Variants in TTBK2 observed in about 807,000 individuals in gnomAD.
TTBK2 encodes the protein tau-tubulin kinase 2.
Under a neutral mutation model 110.8 loss-of-function variants are expected in TTBK2, and 28 were observed. That is an observed-to-expected ratio of 0.25 (90% CI 0.19 to 0.35). The LOEUF is 0.35. Ranked by LOEUF, TTBK2 falls within the 10% of genes least tolerant of loss-of-function variation. TTBK2 has a pLI of 1.00. For synonymous variants in TTBK2, 532 were observed against 527.3 expected (o/e 1.01, Z -0.12); for missense variants, 1,369 against 1,500.3 (o/e 0.91, Z 1.45).
chr15:42,843,325 T>A (rs960068612), intron 3 of TTBK2, among the ~76,000 whole-genome samples: 8 of 152,200 alleles, frequency 5.3e-5, no homozygotes, highest in Non-Finnish European at 1.0e-4. Context: ...TTTATAAAAC[T>A]AATGAAAGGC....
intron 1 of TTBK2, among the ~76,000 whole-genome samples, chr15:42,884,195 G>T (rs1005215319): frequency 6.6e-6 from 1 of 152,144 alleles, no homozygotes; most frequent in South Asian, 2.1e-4. Context: ...TATAACTGAA[G>T]ACTTCACTCT....
At chr15:42,779,176 G>C (rs550036400) in intron 11 of TTBK2, among the ~76,000 whole-genome samples, 72 of 152,234 alleles carry the variant, frequency 4.7e-4, no homozygotes, top group Middle Eastern at 6.8e-3. Context: ...GAGGGAGGTG[G>C]GTGAATCACT....
Position 42,911,056 on chromosome 15 carries a change from A to C in TTBK2, c.-68+9382T>G, listed in dbSNP as rs1162813080. ...TGAAACTCCGTCTCAAAAAAAAAAA[A>C]AAACGGTGAAAAAATAGAAAAAGTT... On this transcript the variant is annotated intron_variant, in intron 1 of 14. Coordinates refer to ENST00000267890, the MANE Select transcript of TTBK2 (RefSeq NM_173500.4). 2.6e-5 allele frequency among the ~76,000 whole-genome samples: 4 copies of C among 152,088 alleles called. No homozygotes were observed. In the South Asian group the frequency reaches 8.3e-4, roughly 32 times the overall value.
At chr15:42,775,775 T>C (rs1338686441) in intron 12 of TTBK2, 52 bp from the exon 13 acceptor site, 17 of 1,403,930 alleles carry the variant, frequency 1.2e-5, no homozygotes, top group Non-Finnish European at 1.6e-5. Flanking sequence ...ACATTTATTA[T>C]ATAATATATA....
At chr15:42,912,147 G>A (rs1280528410) in intron 1 of TTBK2, among the ~76,000 whole-genome samples, 1 of 152,144 alleles carries the variant, frequency 6.6e-6, no homozygotes, top group Non-Finnish European at 1.5e-5. Flanking sequence ...GGCCTGAAAG[G>A]TAAACTGAGT....
At chr15:42,874,298 C>CTTTATTTTTTTATTTTT (rs1268838127) in intron 2 of TTBK2, among the ~76,000 whole-genome samples, 269 of 151,734 alleles carry the variant, frequency 1.8e-3, no homozygotes, top group African/African-American at 6.1e-3. Flanking sequence ...CATAATCCTT[C>CTTTATTTTTTTATTTTT]TTTATTTTTT....
At chr15:42,897,292 T>C (rs1289786319) in intron 1 of TTBK2, among the ~76,000 whole-genome samples, 1 of 152,192 alleles carries the variant, frequency 6.6e-6, no homozygotes, top group Non-Finnish European at 1.5e-5. Flanking sequence ...AGTTTGGGAA[T>C]GGCTAGATTA....
intron 3 of TTBK2, among the ~76,000 whole-genome samples, chr15:42,851,690 G>A (rs1323764182): frequency 5.9e-5 from 9 of 151,846 alleles, no homozygotes; most frequent in Non-Finnish European, 8.8e-5. Context: ...ATATGTGTGC[G>A]TATATATGTG....
rs920719094 is a variant in TTBK2 at position 42,778,229 on chromosome 15, A to G, written c.1198-987T>C. On this transcript the variant is annotated intron_variant, in intron 11 of 14. Coordinates refer to ENST00000267890, the MANE Select transcript of TTBK2 (RefSeq NM_173500.4). ...CAAAGATCAACAAAGGGTTATTTGG[A>G]ATTAAATGATTGATTAACTTAATAT... 4.0e-5 allele frequency among the ~76,000 whole-genome samples: 6 copies of G among 151,762 alleles called. No individual in the cohort carries two copies. The East Asian group carries it at 1.2e-3, about 29-fold the overall frequency.
Position 42,744,136 on chromosome 15 carries a change from G to A in TTBK2, c.*1659C>T, listed in dbSNP as rs974229651. 5 of 152,128 alleles carry A rather than the reference G, an allele frequency of 3.3e-5. No homozygotes were observed. The highest frequency in any genetic ancestry group is 1.2e-4 in the African/African-American group (5 of 41,426). The allele number at this position is 152,128 out of a possible 1,614,324, so 9.4% of individuals were successfully genotyped here. ...CTTATCTATTGCATTCCTCTGGAGT[G>A]TTTGAAACTGGAGAGAAATTAAGAT... On this transcript the variant is annotated 3_prime_UTR_variant, in exon 15 of 15. Transcript: ENST00000267890.
rs138660342 is a variant in TTBK2 at position 42,827,166 on chromosome 15, C to T, written c.537+762G>A. On this transcript the variant is annotated intron_variant, in intron 6 of 14. Coordinates refer to ENST00000267890, the MANE Select transcript of TTBK2 (RefSeq NM_173500.4). ...CCATCACAGTGTAATTGTGGTCATA[C>T]CCAAAGACGCACCACCCTGAAGAGC... 6.3e-4 allele frequency among the ~76,000 whole-genome samples: 96 copies of T among 152,260 alleles called. 1 individual carries two copies. Among genetic ancestry groups the T allele is most frequent in the Middle Eastern group, 3.4e-3 (1 of 294 alleles).
intron 14 of TTBK2, among the ~76,000 whole-genome samples, chr15:42,748,367 G>C (rs2061823211): frequency 1.3e-5 from 2 of 152,004 alleles, no homozygotes; most frequent in Admixed American, 1.3e-4. Flanking sequence ...TGAGACAGGA[G>C]AATCGCTTGA....
At chr15:42,767,743 CCCTCCCTAACTCATTTT>C (rs1459277459) in intron 13 of TTBK2, among the ~76,000 whole-genome samples, 19 of 152,066 alleles carry the variant, frequency 1.2e-4, no homozygotes, top group African/African-American at 4.3e-4. Context: ...AAAGAGGGCA[CCCTCCCTAACTCATTTT>C]ATGAGGCCAG....
At chr15:42,799,336 C>CTG (rs1891080416) in intron 9 of TTBK2, among the ~76,000 whole-genome samples, 1 of 152,236 alleles carries the variant, frequency 6.6e-6, no homozygotes, top group East Asian at 1.9e-4. Context: ...TGCTGCTGCA[C>CTG]TCCAGCCTGG....
At chr15:42,792,233 T>G (rs1226919054) in intron 10 of TTBK2, among the ~76,000 whole-genome samples, 2 of 152,208 alleles carry the variant, frequency 1.3e-5, no homozygotes, top group East Asian at 3.8e-4. Context: ...TTTGAGGTAA[T>G]GGATATCCTA....
At chr15:42,790,822 C>G (rs1218763143) in intron 10 of TTBK2, among the ~76,000 whole-genome samples, 1 of 151,756 alleles carries the variant, frequency 6.6e-6, no homozygotes, top group Non-Finnish European at 1.5e-5. Flanking sequence ...GCCTCAGCCT[C>G]CGGAGTAGCT....
intron 10 of TTBK2, among the ~76,000 whole-genome samples, chr15:42,784,759 G>T (rs1019094345): frequency 2.0e-5 from 3 of 152,160 alleles, no homozygotes; most frequent in African/African-American, 7.2e-5. Context: ...GAGGTTGGGG[G>T]TTTTATTAGA....
Position 42,744,193 on chromosome 15 carries a change from G to A in TTBK2, c.*1602C>T, listed in dbSNP as rs1474013152. 2.0e-4 allele frequency: 31 copies of A among 152,130 alleles called. No individual in the cohort carries two copies. The highest frequency in any genetic ancestry group is 2.0e-3 in the Admixed American group (30 of 15,268). 9.4% of individuals were successfully genotyped at this position (152,130 alleles called of 1,614,324 possible). A position where few individuals can be genotyped will look rare whatever the true frequency, so the allele number is the denominator to read the frequency against. Reference sequence around the variant, plus strand: ...CTATGCTACATTTCTTATAAGAGACGTTATATGCCTCAATAGTGTTTTGAG... The same window carrying A: ...CTATGCTACATTTCTTATAAGAGACATTATATGCCTCAATAGTGTTTTGAG... On this transcript the variant is annotated 3_prime_UTR_variant, in exon 15 of 15. Transcript: ENST00000267890.
At chr15:42,757,187 G>GC (rs1407286928) in intron 13 of TTBK2, among the ~76,000 whole-genome samples, 1 of 151,678 alleles carries the variant, frequency 6.6e-6, no homozygotes, top group Non-Finnish European at 1.5e-5. Context: ...GCTCACTGCA[G>GC]CCTCTAACTC....
Sources: allele counts gnomAD v4.1 joint callset (sites outside exome capture counted in the v4.1 genomes callset), GRCh38; gene constraint gnomAD v4.1.1; transcripts MANE v1.5; gene names NCBI Gene and HGNC (gene_info 2026-07-23, HGNC 2026-07-21).